AP3B1: variants seen among roughly 807,000 people sequenced by gnomAD.
AP3B1 encodes the protein AP-3 complex subunit beta-1.
In AP3B1, 61 loss-of-function variants were observed where a neutral mutation model predicts 132.5. The observed-to-expected ratio is 0.46, with a 90% CI of 0.37 to 0.57. The LOEUF is 0.57. Ranked by LOEUF, AP3B1 falls within the 20% of genes least tolerant of loss-of-function variation. The pLI is 0.00. For missense variants in AP3B1, 1,120 were observed against 1,289.4 expected (o/e 0.87, Z 2.01); for synonymous variants, 388 against 438.3 (o/e 0.89, Z 1.43).
Position 78,176,462 on chromosome 5 carries a change from A to G in AP3B1, c.1041-624T>C, listed in dbSNP as rs147329651. 1.2e-3 allele frequency among the ~76,000 whole-genome samples: 188 copies of G among 152,332 alleles called. 1 individual carries two copies. Among genetic ancestry groups the G allele is most frequent in the African/African-American group, 4.4e-3 (182 of 41,592 alleles). On this transcript the variant is annotated intron_variant, in intron 9 of 26. Coordinates refer to ENST00000255194, the MANE Select transcript of AP3B1 (RefSeq NM_003664.5). ...TTTGTTACTAAGCCAGTCAAGAGCT[A>G]CAATTGTGGACTAAGTTCCAGTTAA... is the stretch of plus-strand genomic sequence containing the variant.
chr5:78,121,996 C>G (rs996241429), intron 17 of AP3B1: 1 of 152,180 alleles, frequency 6.6e-6, no homozygotes, highest in East Asian at 1.9e-4. Context: ...AGCTTATCCA[C>G]CATGATCAAG....
chr5:78,281,193 G>C (rs1245851658), intron 1 of AP3B1, among the ~76,000 whole-genome samples: 1 of 152,040 alleles, frequency 6.6e-6, no homozygotes, highest in African/African-American at 2.4e-5. Flanking sequence ...CCAGCACTTT[G>C]GGAGGCCAAG....
chr5:78,030,671 A>T (rs1411956812), intron 24 of AP3B1, among the ~76,000 whole-genome samples: 1 of 152,114 alleles, frequency 6.6e-6, no homozygotes, highest in Non-Finnish European at 1.5e-5. Context: ...TTGTTGGGGC[A>T]CATGTTCATT....
chr5:78,219,053 T>C (rs984329341), intron 6 of AP3B1, among the ~76,000 whole-genome samples: 19 of 152,198 alleles, frequency 1.2e-4, no homozygotes, highest in Admixed American at 1.2e-3. Flanking sequence ...AACTTAAAAT[T>C]TGTGTCTTAT....
intron 22 of AP3B1, among the ~76,000 whole-genome samples, chr5:78,084,973 T>C (rs1306174843): frequency 1.3e-5 from 2 of 152,204 alleles, no homozygotes; most frequent in African/African-American, 2.4e-5. Flanking sequence ...TTCCTTAAAT[T>C]GTTTTTGCAT....
chr5:78,027,434 C>T (rs7718770), intron 24 of AP3B1, among the ~76,000 whole-genome samples: 46,284 of 151,772 alleles, frequency 0.3, 7,634 homozygotes, highest in Admixed American at 0.42. Flanking sequence ...ATATCAATTA[C>T]ACAGAATAAA....
intron 13 of AP3B1, among the ~76,000 whole-genome samples, chr5:78,158,027 G>T (rs1743226944): frequency 6.6e-6 from 1 of 152,148 alleles, no homozygotes; most frequent in South Asian, 2.1e-4. Flanking sequence ...GGGATTACCG[G>T]TGTGAGCCAC....
At chr5:78,169,152 T>C (rs947737533) in intron 11 of AP3B1, among the ~76,000 whole-genome samples, 3 of 152,162 alleles carry the variant, frequency 2.0e-5, no homozygotes, top group Admixed American at 6.6e-5. Context: ...TATCACACTA[T>C]TTTAATCACT....
chr5:78,019,859 T>C (rs1435237501), intron 25 of AP3B1, among the ~76,000 whole-genome samples: 3 of 152,182 alleles, frequency 2.0e-5, no homozygotes, highest in South Asian at 4.1e-4. Flanking sequence ...GGGTATGATT[T>C]ACTACCTCAA....
At chr5:78,209,616 G>A (rs1745652180) in intron 7 of AP3B1, among the ~76,000 whole-genome samples, 1 of 152,042 alleles carries the variant, frequency 6.6e-6, no homozygotes, top group African/African-American at 2.4e-5. Context: ...GCAACCATGG[G>A]CACATGTCAT....
chr5:78,050,246 T>A (rs554010796), intron 22 of AP3B1, among the ~76,000 whole-genome samples: 1 of 152,184 alleles, frequency 6.6e-6, no homozygotes, highest in African/African-American at 2.4e-5. Flanking sequence ...TTTCCTTTTT[T>A]ATAGACACTT....
intron 2 of AP3B1, among the ~76,000 whole-genome samples, chr5:78,250,479 T>C (rs1392296655): frequency 6.6e-6 from 1 of 152,122 alleles, no homozygotes; most frequent in Non-Finnish European, 1.5e-5. Context: ...ACTACTCTCT[T>C]CAACCCACAA....
chr5:78,102,255 C>T (rs1236665069), intron 20 of AP3B1, among the ~76,000 whole-genome samples: 2 of 152,036 alleles, frequency 1.3e-5, no homozygotes, highest in East Asian at 1.9e-4. Context: ...AAAAGCATTA[C>T]GTAAAATTAT....
At chr5:78,097,494 G>A (rs1430589534) in intron 21 of AP3B1, among the ~76,000 whole-genome samples, 9 of 109,606 alleles carry the variant, frequency 8.2e-5, no homozygotes, top group Admixed American at 2.7e-4. Context: ...CAGCCGCCCC[G>A]TCCGGGAGGG....
intron 2 of AP3B1, among the ~76,000 whole-genome samples, chr5:78,251,499 G>A (rs921009667): frequency 3.3e-5 from 5 of 152,220 alleles, no homozygotes; most frequent in African/African-American, 1.2e-4. Context: ...TCCAGCAGCA[G>A]TGCATGGTAT....
At chr5:78,054,789 G>A (rs1748737374) in intron 22 of AP3B1, among the ~76,000 whole-genome samples, 1 of 152,154 alleles carries the variant, frequency 6.6e-6, no homozygotes, top group African/African-American at 2.4e-5. Flanking sequence ...TGGCGATAAG[G>A]AAAGAAGTAT....
chr5:78,208,677 GGTAGAACTGACAT>G (rs1745611440), intron 7 of AP3B1, among the ~76,000 whole-genome samples: 1 of 151,930 alleles, frequency 6.6e-6, no homozygotes, highest in African/African-American at 2.4e-5. Context: ...AAGTGGGAGG[GGTAGAACTGACAT>G]TGGGTAGACA....
chr5:78,021,513 A>T (rs1299291659), intron 24 of AP3B1, among the ~76,000 whole-genome samples: 1 of 152,178 alleles, frequency 6.6e-6, no homozygotes, highest in African/African-American at 2.4e-5. Flanking sequence ...TGTCTAAAAA[A>T]TTTTTTAAAG....
intron 23 of AP3B1, among the ~76,000 whole-genome samples, chr5:78,035,965 A>AT (rs1301283283): frequency 6.6e-6 from 1 of 152,104 alleles, no homozygotes; most frequent in Non-Finnish European, 1.5e-5. Flanking sequence ...CTTCTGTGCC[A>AT]TAACTATTTT....
Sources: allele counts gnomAD v4.1 joint callset (sites outside exome capture counted in the v4.1 genomes callset), GRCh38; gene constraint gnomAD v4.1.1; transcripts MANE v1.5; gene names NCBI Gene and HGNC (gene_info 2026-07-23, HGNC 2026-07-21).